GKAP1: variants seen among roughly 807,000 people sequenced by gnomAD.
GKAP1 encodes G kinase-anchoring protein 1.
A neutral mutation model predicts 56.7 loss-of-function variants in GKAP1; 31 were observed. The observed-to-expected ratio is 0.55, with a 90% CI of 0.41 to 0.74. GKAP1 has a LOEUF of 0.74. GKAP1 is among the 30% of genes least tolerant of loss of function. The pLI, the probability that GKAP1 is intolerant of heterozygous loss-of-function variation, is 0.00. For missense variants in GKAP1, 364 were observed against 402.3 expected, an observed-to-expected ratio of 0.90 and a Z score of 0.82; for synonymous variants, 151 against 138.6, an observed-to-expected ratio of 1.09 and a Z score of -0.63.
At chr9:83,741,375 C>A (rs1943205767) in intron 12 of GKAP1, among the ~76,000 whole-genome samples, 1 of 151,718 alleles carries the variant, frequency 6.6e-6, no homozygotes, top group Non-Finnish European at 1.5e-5. Context: ...CACACACACA[C>A]ACACACACAC....
intron 4 of GKAP1, among the ~76,000 whole-genome samples, chr9:83,798,515 T>C (rs1224071073): frequency 6.6e-6 from 1 of 151,954 alleles, no homozygotes; most frequent in South Asian, 2.1e-4. Context: ...TGTCACTGGG[T>C]ATTATTTGTT....
chr9:83,748,922 G>A (rs1386651631), intron 9 of GKAP1: 2 of 152,080 alleles, frequency 1.3e-5, no homozygotes, highest in Non-Finnish European at 2.9e-5. Flanking sequence ...AATTTTATAG[G>A]ACAGTTCTAT....
intron 6 of GKAP1, among the ~76,000 whole-genome samples, chr9:83,783,788 A>C (rs1339924567): frequency 1.3e-5 from 2 of 152,240 alleles, no homozygotes; most frequent in East Asian, 3.8e-4. Flanking sequence ...AAGATGACTC[A>C]AACTACAAAT....
intron 4 of GKAP1, among the ~76,000 whole-genome samples, chr9:83,796,144 C>A (rs768528276): frequency 2.6e-5 from 4 of 151,994 alleles, no homozygotes; most frequent in Non-Finnish European, 4.4e-5. Context: ...GTTGCCCAGG[C>A]CAGTCTCAAA....
Position 83,768,936 on chromosome 9 carries a change from C to T in GKAP1, c.620G>A (p.Gly207Glu), listed in dbSNP as rs769759871. 6 of 1,609,560 alleles carry T rather than the reference C, an allele frequency of 3.7e-6. No homozygotes were observed. Among genetic ancestry groups the T allele is most frequent in the Admixed American group, 1.7e-5 (1 of 59,372 alleles). Residue 207 changes from glycine (G) to glutamate (E), a missense_variant, in exon 8 of 13, where the codon GGA becomes GAA. Gly to Glu is a moderately conservative substitution (Grantham distance 98). Transcript: ENST00000376371. ...ATCTTCCAGTCTATTGAAGAATCCTCCATCATGTGATAAAGTCTGAGAAGA... is the reference window on the plus strand; with the variant it reads ...ATCTTCCAGTCTATTGAAGAATCCTTCATCATGTGATAAAGTCTGAGAAGA... Reference protein sequence around the residue: ...LSSSQTLSHDGGFFNRLEDDV... With the variant: ...LSSSQTLSHDEGFFNRLEDDV...
Position 83,788,601 on chromosome 9 carries a change from C to T in GKAP1, c.438G>A (p.Lys146=), listed in dbSNP as rs1416861702. 13 of 1,533,942 alleles carry T rather than the reference C, an allele frequency of 8.5e-6. No homozygotes were observed. The highest frequency in any genetic ancestry group is 1.2e-5 in the South Asian group (1 of 86,356). Residue 146 remains lysine (K), a splice_region_variant and synonymous_variant, in exon 5 of 13, where the codon AAG becomes AAA. Coordinates refer to ENST00000376371, the MANE Select transcript of GKAP1 (RefSeq NM_025211.4). ...LSKLEYEEHK[K]EYEDAENTST... ...TCTAAATCAGTAAGTATGTAAATAC[C>T]TTTTTGTGCTCTTCATATTCTAGTT... is the stretch of plus-strand genomic sequence containing the variant.
chr9:83,779,548 CGTGTATATGTGT>C (rs1943929972), intron 7 of GKAP1, among the ~76,000 whole-genome samples: 3 of 91,140 alleles, frequency 3.3e-5, no homozygotes, highest in African/African-American at 7.1e-5. Context: ...TATATATACA[CGTGTATATGTGT>C]ATATATATAC....
At chr9:83,784,454 A>C (rs1174358742) in intron 6 of GKAP1, among the ~76,000 whole-genome samples, 1 of 152,132 alleles carries the variant, frequency 6.6e-6, no homozygotes, top group African/African-American at 2.4e-5. Context: ...CCCTCACCAG[A>C]TGCTGGCATC....
At chr9:83,795,618 G>T (rs542235851) in intron 4 of GKAP1, among the ~76,000 whole-genome samples, 94 of 127,948 alleles carry the variant, frequency 7.3e-4, no homozygotes, top group Admixed American at 5.9e-3. Flanking sequence ...TTGAGATAGG[G>T]TCTCGCTCTG....
chr9:83,757,839 A>G (rs1943502276), intron 8 of GKAP1, among the ~76,000 whole-genome samples: 1 of 152,138 alleles, frequency 6.6e-6, no homozygotes, highest in Non-Finnish European at 1.5e-5. Flanking sequence ...TGAAAAACAG[A>G]AAAGTGAAAA....
At chr9:83,777,197 A>G (rs1471106400) in intron 7 of GKAP1, among the ~76,000 whole-genome samples, 1 of 152,242 alleles carries the variant, frequency 6.6e-6, no homozygotes, top group African/African-American at 2.4e-5. Flanking sequence ...ATGATAGTGC[A>G]TTCAAGCATA....
chr9:83,745,839 G>C (rs1237069053), intron 10 of GKAP1, among the ~76,000 whole-genome samples: 1 of 151,168 alleles, frequency 6.6e-6, no homozygotes. Flanking sequence ...CAGCCAGGAT[G>C]GAGTGCAGTG....
At chr9:83,787,305 T>C (rs1001729839) in intron 5 of GKAP1, among the ~76,000 whole-genome samples, 3 of 152,140 alleles carry the variant, frequency 2.0e-5, no homozygotes, top group African/African-American at 7.2e-5. Context: ...GGGATGATCA[T>C]AGCTCACTGC....
intron 9 of GKAP1, among the ~76,000 whole-genome samples, chr9:83,750,690 T>G (rs889507742): frequency 6.6e-6 from 1 of 152,234 alleles, no homozygotes; most frequent in Non-Finnish European, 1.5e-5. Context: ...AAAAATCTAT[T>G]TTTTAATCTA....
intron 3 of GKAP1, among the ~76,000 whole-genome samples, chr9:83,803,594 A>G (rs1230682242): frequency 3.9e-5 from 6 of 152,136 alleles, no homozygotes; most frequent in Non-Finnish European, 5.9e-5. Context: ...GCGTGATCTC[A>G]GCTCGCTACA....
intron 7 of GKAP1, among the ~76,000 whole-genome samples, chr9:83,773,010 CAATTTGACAGACTCTTTA>C (rs952668439): frequency 6.6e-6 from 1 of 152,108 alleles, no homozygotes; most frequent in Non-Finnish European, 1.5e-5. Context: ...TTTTGAAAAA[CAATTTGACAGACTCTTTA>C]AAAGTTAGAC....
chr9:83,804,706 C>A (rs1202326930), intron 3 of GKAP1, among the ~76,000 whole-genome samples: 1 of 149,420 alleles, frequency 6.7e-6, no homozygotes, highest in African/African-American at 2.5e-5. Context: ...CCAGCCGCCC[C>A]GTACGGGAGG....
chr9:83,756,384 T>C (rs1943475680), intron 8 of GKAP1, among the ~76,000 whole-genome samples: 1 of 141,298 alleles, frequency 7.1e-6, no homozygotes, highest in Non-Finnish European at 1.5e-5. Flanking sequence ...GGCACAAGGA[T>C]GGCTTGAACC....
At chr9:83,791,352 G>A (rs1447493487) in intron 4 of GKAP1, among the ~76,000 whole-genome samples, 6 of 151,254 alleles carry the variant, frequency 4.0e-5, no homozygotes, top group Non-Finnish European at 5.9e-5. Flanking sequence ...GCAGTGAGCC[G>A]ACATCACGCC....
Sources: allele counts gnomAD v4.1 joint callset (sites outside exome capture counted in the v4.1 genomes callset), GRCh38; gene constraint gnomAD v4.1.1; transcripts MANE v1.5; gene names NCBI Gene and HGNC (gene_info 2026-07-23, HGNC 2026-07-21).